Variants in SIPA1L1 observed in about 807,000 individuals in gnomAD.
The protein encoded by SIPA1L1 is signal induced proliferation associated 1 like 1.
In SIPA1L1, 26 loss-of-function variants were observed where a neutral mutation model predicts 162.7. That is an observed-to-expected ratio of 0.16 (90% CI 0.12 to 0.22). The LOEUF (loss-of-function observed/expected upper bound fraction) is 0.22, where lower values mean the gene tolerates loss of function less well. Among genes scored for constraint, SIPA1L1 ranks in the 10% least tolerant of loss-of-function variants. The pLI, the probability that SIPA1L1 is intolerant of heterozygous loss-of-function variation, is 1.00. For missense variants in SIPA1L1, 1,874 were observed against 2,241.0 expected (o/e 0.84, Z 3.31); for synonymous variants, 829 against 837.4 (o/e 0.99, Z 0.17).
chr14:71,704,815 A>G, intron 15 of SIPA1L1: 1 of 1,458,270 alleles, frequency 6.9e-7, no homozygotes, highest in South Asian at 1.1e-5. Flanking sequence ...ATGGTAAGTA[A>G]CACGTGATTG....
chr14:71,566,277 A>G (rs527957072), intron 4 of SIPA1L1, among the ~76,000 whole-genome samples: 3 of 152,354 alleles, frequency 2.0e-5, no homozygotes, highest in African/African-American at 7.2e-5. Flanking sequence ...TTATTAAAGC[A>G]GATCTAAATA....
chr14:71,665,000 A>G (rs928169114), intron 10 of SIPA1L1, among the ~76,000 whole-genome samples: 1 of 152,190 alleles, frequency 6.6e-6, no homozygotes, highest in Admixed American at 6.5e-5. Flanking sequence ...AAAGTACAAT[A>G]AAAAGGCCTA....
intron 7 of SIPA1L1, among the ~76,000 whole-genome samples, chr14:71,631,341 A>G (rs968975451): frequency 6.6e-6 from 1 of 152,142 alleles, no homozygotes; most frequent in African/African-American, 2.4e-5. Flanking sequence ...AAGGTTTCCC[A>G]GTATTTTTAC....
intron 12 of SIPA1L1, among the ~76,000 whole-genome samples, chr14:71,682,038 A>G (rs1566640792): frequency 6.6e-6 from 1 of 152,246 alleles, no homozygotes; most frequent in Non-Finnish European, 1.5e-5. Context: ...GGCTAAAATA[A>G]GACTAACTTA....
intron 2 of SIPA1L1, among the ~76,000 whole-genome samples, chr14:71,427,884 A>C (rs928163852): frequency 6.6e-6 from 1 of 152,036 alleles, no homozygotes; most frequent in African/African-American, 2.4e-5. Context: ...TCTGCCAACA[A>C]GTATTTTTCA....
At chr14:71,734,418 G>C (rs187900985) in intron 21 of SIPA1L1, among the ~76,000 whole-genome samples, 206 of 152,246 alleles carry the variant, frequency 1.4e-3, no homozygotes, top group African/African-American at 4.6e-3. Context: ...TTGTCAGCTG[G>C]GGTTTTTGTT....
chr14:71,632,233 G>A (rs1320597437), intron 7 of SIPA1L1, among the ~76,000 whole-genome samples: 1 of 152,128 alleles, frequency 6.6e-6, no homozygotes, highest in East Asian at 1.9e-4. Context: ...GGGACCTTGA[G>A]ATCTCTGGAA....
At chr14:71,392,552 GAGT>G (rs1363908870) in intron 2 of SIPA1L1, among the ~76,000 whole-genome samples, 1 of 151,786 alleles carries the variant, frequency 6.6e-6, no homozygotes, top group Non-Finnish European at 1.5e-5. Flanking sequence ...TTTTTTTGAG[GAGT>G]CTCGCTCTGT....
At chr14:71,460,410 C>T (rs1283122754) in intron 2 of SIPA1L1, among the ~76,000 whole-genome samples, 11 of 152,166 alleles carry the variant, frequency 7.2e-5, no homozygotes, top group Non-Finnish European at 1.3e-4. Context: ...TACTGAGAGA[C>T]GCCCTAATGG....
intron 5 of SIPA1L1, among the ~76,000 whole-genome samples, chr14:71,603,282 A>G (rs2037010761): frequency 6.6e-6 from 1 of 152,022 alleles, no homozygotes; most frequent in African/African-American, 2.4e-5. Context: ...GATCATATAT[A>G]TATTTTTTTT....
At chr14:71,489,387 G>T (rs1302236770) in intron 2 of SIPA1L1, among the ~76,000 whole-genome samples, 1 of 152,148 alleles carries the variant, frequency 6.6e-6, no homozygotes, top group African/African-American at 2.4e-5. Flanking sequence ...CAGGAAATTC[G>T]TGAGAAGATG....
chr14:71,573,609 A>G, intron 4 of SIPA1L1: 1 of 456,782 alleles, frequency 2.2e-6, no homozygotes, highest in South Asian at 1.5e-5. Context: ...AGAGCTGGGC[A>G]GAGGAAAATC....
intron 4 of SIPA1L1, among the ~76,000 whole-genome samples, chr14:71,571,962 A>G (rs1321717927): frequency 6.6e-6 from 1 of 151,954 alleles, no homozygotes; most frequent in African/African-American, 2.4e-5. Flanking sequence ...TGGATAGTTT[A>G]TTTTTAAAAA....
At chr14:71,464,915 CAG>C (rs545688444) in intron 2 of SIPA1L1, among the ~76,000 whole-genome samples, 12 of 152,278 alleles carry the variant, frequency 7.9e-5, no homozygotes, top group South Asian at 2.1e-4. Context: ...TAGAAGCAAA[CAG>C]GGGTGTTGAG....
rs759472830 is a variant in SIPA1L1 at position 71,735,387 on chromosome 14, A to G, written c.5119A>G (p.Ser1707Gly). 1 of 1,610,874 alleles carries G rather than the reference A, an allele frequency of 6.2e-7. No homozygotes were observed. Among genetic ancestry groups the G allele is most frequent in the Non-Finnish European group, 8.5e-7 (1 of 1,177,040 alleles). Residue 1707 changes from serine (S) to glycine (G), a missense_variant, in exon 22 of 24, where the codon AGC becomes GGC. This residue lies in a region of SIPA1L1 where 936 missense variants were observed against 1,051.9 expected (regional missense o/e 0.89). Transcript: ENST00000381232. ...DQALAQMKPY[S>G]SSKDSSPTLA... is the part of the protein sequence containing the mutation. ...GGCTCTGGCCCAGATGAAGCCTTAC[A>G]GCAGGTTGGTCCCAGTGCAAGGGCA...
chr14:71,581,192 G>T (rs1189438707), intron 4 of SIPA1L1, among the ~76,000 whole-genome samples: 3 of 151,922 alleles, frequency 2.0e-5, no homozygotes, highest in Admixed American at 6.6e-5. Flanking sequence ...GGTAGTGGTG[G>T]TGTTTTCTGC....
At chr14:71,572,831 G>A (rs745759963) in intron 4 of SIPA1L1, among the ~76,000 whole-genome samples, 2 of 152,194 alleles carry the variant, frequency 1.3e-5, no homozygotes, top group Non-Finnish European at 1.5e-5. Flanking sequence ...AGTAAAGTAA[G>A]CAACTGAGCA....
In SIPA1L1 at chr14:71,637,157, C is replaced by T. The variant is rs184594757; in HGVS notation, c.1818+12921C>T. ...GCACGCGTGCACACACACACACACA[C>T]GCTAGATCTTTGAAAAGATGATAAA... On this transcript the variant is annotated intron_variant, in intron 7 of 23. Transcript: ENST00000381232. Among the ~76,000 whole-genome samples the T allele has an allele frequency of 5.3e-5, 8 of 149,692 alleles. No individual in the cohort carries two copies. The East Asian group carries it at 1.2e-3, about 22-fold the overall frequency.
At chr14:71,332,000 A>G (rs1285825464) in intron 2 of SIPA1L1, among the ~76,000 whole-genome samples, 1 of 152,248 alleles carries the variant, frequency 6.6e-6, no homozygotes, top group Non-Finnish European at 1.5e-5. Context: ...CATCATCTTA[A>G]TACAATGATG....
Sources: gnomAD v4.1 joint callset for allele counts (sites outside exome capture counted in the v4.1 genomes callset) on GRCh38, gnomAD v4.1.1 for gene constraint, gnomAD v4.1.1 regional missense constraint, MANE v1.5 for transcripts, NCBI Gene and HGNC (gene_info 2026-07-23, HGNC 2026-07-21) for gene names.